KIAA1217: variants seen among roughly 807,000 people sequenced by gnomAD.
KIAA1217 encodes the protein KIAA1217.
Under a neutral mutation model 163.9 loss-of-function variants are expected in KIAA1217, and 88 were observed. The observed-to-expected ratio is 0.54, with a 90% confidence interval of 0.45 to 0.64. The LOEUF (loss-of-function observed/expected upper bound fraction) is 0.64. Ranked by LOEUF, KIAA1217 falls within the 30% of genes least tolerant of loss-of-function variation. KIAA1217 has a pLI of 0.00. For synonymous variants in KIAA1217, 903 were observed against 923.1 expected (o/e 0.98, Z 0.39); for missense variants, 2,372 against 2,475.0 (o/e 0.96, Z 0.88).
rs577978358 is a variant in KIAA1217, at chr10:23,910,099, T to C, written c.-320-97126T>C. Among the ~76,000 whole-genome samples the C allele has an allele frequency of 8.5e-4, 129 of 151,024 alleles. 1 individual carries two copies. The highest frequency in any genetic ancestry group is 3.0e-3 in the African/African-American group (125 of 41,056). On this transcript the variant is annotated intron_variant, in intron 1 of 18. Coordinates refer to the KIAA1217 transcript ENST00000376462. Reference sequence around the variant, plus strand: ...TCACTCATAAGTGGGAGTTGAACAATGAGAACACGTGGACACAGGGAGGGG... The same window carrying C: ...TCACTCATAAGTGGGAGTTGAACAACGAGAACACGTGGACACAGGGAGGGG...
intron 1 of KIAA1217, among the ~76,000 whole-genome samples, chr10:23,872,770 A>G (rs1435432160): frequency 3.3e-5 from 5 of 152,056 alleles, no homozygotes. Flanking sequence ...AATGACAGTA[A>G]CTCAGTGAAC....
At chr10:23,713,306 C>T (rs1373846391) in intron 1 of KIAA1217, among the ~76,000 whole-genome samples, 2 of 152,122 alleles carry the variant, frequency 1.3e-5, no homozygotes, top group Non-Finnish European at 2.9e-5. Context: ...ATTTCTAAGA[C>T]CGTAAGGCCA....
chr10:24,421,008 TG>T (rs2058690008), intron 3 of KIAA1217, among the ~76,000 whole-genome samples: 9 of 152,154 alleles, frequency 5.9e-5, no homozygotes, highest in African/African-American at 1.7e-4. Flanking sequence ...TTTGTTTGTT[TG>T]TTTGTTTTGT....
intron 2 of KIAA1217, among the ~76,000 whole-genome samples, chr10:24,236,641 TGAG>T (rs1472688620): frequency 6.6e-6 from 1 of 151,990 alleles, no homozygotes; most frequent in Non-Finnish European, 1.5e-5. Context: ...GCTTTTTCAG[TGAG>T]GAGTTTTTTT....
At chr10:24,440,216 C>CT (rs1367852628) in intron 5 of KIAA1217, among the ~76,000 whole-genome samples, 1 of 152,210 alleles carries the variant, frequency 6.6e-6, no homozygotes, top group Non-Finnish European at 1.5e-5. Flanking sequence ...GCCAGTTATA[C>CT]TTTATGTGTA....
chr10:24,217,853 A>G (rs2069041302), intron 1 of KIAA1217, among the ~76,000 whole-genome samples: 1 of 152,214 alleles, frequency 6.6e-6, no homozygotes, highest in Non-Finnish European at 1.5e-5. Flanking sequence ...AAAAAATTAG[A>G]ATAGTTTTAA....
At chr10:23,704,951 C>A (rs1384694756) in intron 1 of KIAA1217, among the ~76,000 whole-genome samples, 1 of 152,146 alleles carries the variant, frequency 6.6e-6, no homozygotes, top group Non-Finnish European at 1.5e-5. Flanking sequence ...TTCCTCACAT[C>A]TTTGCCAATA....
At chr10:24,229,324 A>C (rs2071041012) in intron 2 of KIAA1217, among the ~76,000 whole-genome samples, 1 of 152,196 alleles carries the variant, frequency 6.6e-6, no homozygotes, top group Non-Finnish European at 1.5e-5. Flanking sequence ...TTTGTAAATA[A>C]ATAAATAAGT....
At chr10:24,085,922 A>G (rs761216876) in intron 2 of KIAA1217, among the ~76,000 whole-genome samples, 3 of 152,028 alleles carry the variant, frequency 2.0e-5, no homozygotes, top group Admixed American at 6.5e-5. Flanking sequence ...GCGGTGGGCC[A>G]AGATTATGCC....
chr10:23,771,109 A>G (rs1024792965), intron 1 of KIAA1217, among the ~76,000 whole-genome samples: 1 of 152,220 alleles, frequency 6.6e-6, no homozygotes, highest in African/African-American at 2.4e-5. Flanking sequence ...TGATTATGAC[A>G]TGGTTCATGT....
intron 2 of KIAA1217, among the ~76,000 whole-genome samples, chr10:24,010,896 C>T (rs550187318): frequency 6.6e-6 from 1 of 151,952 alleles, no homozygotes; most frequent in African/African-American, 2.4e-5. Flanking sequence ...GCAGAATGAC[C>T]AAAAGATGGG....
intron 5 of KIAA1217, chr10:24,449,345 C>A: frequency 4.2e-6 from 2 of 473,986 alleles, no homozygotes; most frequent in Non-Finnish European, 5.5e-6. Context: ...TATTTTTTGT[C>A]ATTGAGAGGT....
chr10:24,264,460 C>G (rs2076012286), intron 2 of KIAA1217, among the ~76,000 whole-genome samples: 1 of 151,490 alleles, frequency 6.6e-6, no homozygotes, highest in Non-Finnish European at 1.5e-5. Flanking sequence ...TTGTGTCAGA[C>G]TAGTAAGACC....
intron 2 of KIAA1217, among the ~76,000 whole-genome samples, chr10:24,195,135 G>A (rs951826169): frequency 6.6e-6 from 1 of 152,096 alleles, no homozygotes; most frequent in Non-Finnish European, 1.5e-5. Flanking sequence ...TCTCTGGGCT[G>A]GGGAATGAGC....
At chr10:23,704,542 A>G (rs1241490463) in intron 1 of KIAA1217, among the ~76,000 whole-genome samples, 5 of 152,024 alleles carry the variant, frequency 3.3e-5, no homozygotes, top group Non-Finnish European at 7.4e-5. Flanking sequence ...TTTCATGTAT[A>G]TGGAATCATA....
rs140697011 is a variant in KIAA1217, at chr10:24,490,524, C to T, written c.1680-3976C>T. ...ATAAAATTGTTTCCAGATTACCAAC[C>T]ATAAAATGGAAAGACAATCTTATTT... On this transcript the variant is annotated intron_variant, in intron 6 of 20. Coordinates refer to ENST00000376454, the MANE Select transcript of KIAA1217 (RefSeq NM_019590.5). 2.7e-3 allele frequency among the ~76,000 whole-genome samples: 416 copies of T among 152,254 alleles called. 11 individuals carry two copies. The South Asian group carries it at 0.047, about 17-fold the overall frequency.
Position 23,875,911 on chromosome 10 carries a change from G to T in KIAA1217, c.-320-131314G>T, listed in dbSNP as rs182258598. Among the ~76,000 whole-genome samples, 308 of 140,554 alleles carry T rather than the reference G, an allele frequency of 2.2e-3. 4 individuals carry two copies. Among genetic ancestry groups the T allele is most frequent in the Middle Eastern group, 7.1e-3 (2 of 280 alleles). 92.2% of individuals were successfully genotyped at this position (140,554 alleles called of 152,430 possible). On this transcript the variant is annotated intron_variant, in intron 1 of 18. Transcript: ENST00000376462. ...GGGAGTTAAACAATGAGAACACATG[G>T]ACAGAGGGAGGGGAACATCACACAC...
chr10:24,371,056 A>G (rs2134495155), intron 2 of KIAA1217, among the ~76,000 whole-genome samples: 1 of 152,306 alleles, frequency 6.6e-6, no homozygotes, highest in East Asian at 1.9e-4. Flanking sequence ...ATCATAGTTG[A>G]GCTAGGCTTT....
intron 1 of KIAA1217, among the ~76,000 whole-genome samples, chr10:23,804,832 T>C (rs1588855184): frequency 6.6e-6 from 1 of 152,212 alleles, no homozygotes; most frequent in Non-Finnish European, 1.5e-5. Context: ...CCAATCATCA[T>C]GTATTTAATG....
Sources: allele counts gnomAD v4.1 joint callset (sites outside exome capture counted in the v4.1 genomes callset), GRCh38; gene constraint gnomAD v4.1.1; transcripts MANE v1.5; gene names NCBI Gene and HGNC (gene_info 2026-07-23, HGNC 2026-07-21).